Variants in NRG3 observed in about 807,000 individuals in gnomAD.
NRG3 encodes the protein pro-neuregulin-3, membrane-bound isoform.
In NRG3, 31 loss-of-function variants were observed where a neutral mutation model predicts 66.9. The observed-to-expected ratio is 0.46, with a 90% CI of 0.35 to 0.63. NRG3 has a LOEUF of 0.63. Ranked by LOEUF, NRG3 falls within the 20% of genes least tolerant of loss-of-function variation. The pLI, the probability that NRG3 is intolerant of heterozygous loss-of-function variation, is 0.00. For synonymous variants in NRG3, 393 were observed against 359.4 expected, an observed-to-expected ratio of 1.09 and a Z score of -1.06; for missense variants, 910 against 878.9, an observed-to-expected ratio of 1.04 and a Z score of -0.45.
At chr10:82,333,877 T>G (rs1016901166) in intron 1 of NRG3, among the ~76,000 whole-genome samples, 4 of 151,742 alleles carry the variant, frequency 2.6e-5, no homozygotes, top group African/African-American at 9.7e-5. Flanking sequence ...TTGAAGACAG[T>G]GGGAGAAGGA....
intron 3 of NRG3, among the ~76,000 whole-genome samples, chr10:82,846,814 T>G (rs937706790): frequency 6.6e-6 from 1 of 152,234 alleles, no homozygotes; most frequent in Non-Finnish European, 1.5e-5. Context: ...AGTTTGGTTT[T>G]GGAGTTGTGG....
At position 82,810,688 on chromosome 10, in the gene NRG3, G is replaced by A. The variant is rs549545295; in HGVS notation, c.1028-54723G>A. 4.0e-5 allele frequency among the ~76,000 whole-genome samples: 6 copies of A among 150,552 alleles called. No homozygotes were observed. In the South Asian group the frequency reaches 8.5e-4, roughly 21 times the overall value. Reference sequence around the variant, plus strand: ...GGAGGCAGGAGAATCACTTGAACCCGGGAGACGGAAGTTGTGGTGAGCCAA... The same window carrying A: ...GGAGGCAGGAGAATCACTTGAACCCAGGAGACGGAAGTTGTGGTGAGCCAA... On this transcript the variant is annotated intron_variant, in intron 3 of 8. Transcript: ENST00000372141.
At chr10:82,893,513 C>A (rs1187631801) in intron 4 of NRG3, among the ~76,000 whole-genome samples, 1 of 152,228 alleles carries the variant, frequency 6.6e-6, no homozygotes, top group East Asian at 1.9e-4. Flanking sequence ...CATGGTGAAA[C>A]CCCGTCTCTA....
chr10:82,744,657 T>C (rs779857131), intron 3 of NRG3, among the ~76,000 whole-genome samples: 2 of 152,184 alleles, frequency 1.3e-5, no homozygotes, highest in African/African-American at 2.4e-5. Flanking sequence ...AATTACAGAC[T>C]ACAAAGGACG....
intron 2 of NRG3, among the ~76,000 whole-genome samples, chr10:82,553,847 G>A (rs1431355948): frequency 6.6e-6 from 1 of 152,110 alleles, no homozygotes; most frequent in Admixed American, 6.5e-5. Context: ...TTAAGTACAT[G>A]TATACTTGCC....
intron 2 of NRG3, among the ~76,000 whole-genome samples, chr10:82,393,286 T>A (rs2086505950): frequency 6.6e-6 from 1 of 152,042 alleles, no homozygotes. Context: ...TATGCTGAGA[T>A]TAGGATACTG....
chr10:82,639,841 G>T (rs900040975), intron 2 of NRG3, among the ~76,000 whole-genome samples: 9 of 151,900 alleles, frequency 5.9e-5, no homozygotes, highest in Non-Finnish European at 1.0e-4. Flanking sequence ...TGTGTCATGG[G>T]GTTTGTTTTA....
intron 8 of NRG3, among the ~76,000 whole-genome samples, chr10:82,981,521 C>G (rs767731220): frequency 3.9e-5 from 6 of 152,128 alleles, no homozygotes; most frequent in African/African-American, 1.4e-4. Flanking sequence ...TAAATCTGGC[C>G]CCAGCCTGGA....
chr10:82,360,863 C>T (rs111226357), intron 2 of NRG3, among the ~76,000 whole-genome samples: 18,907 of 151,822 alleles, frequency 0.12, 2,161 homozygotes, highest in African/African-American at 0.29. Context: ...AGGCCTCCCT[C>T]CTTGACTTAT....
chr10:82,473,978 A>T (rs1416292782), intron 2 of NRG3, among the ~76,000 whole-genome samples: 1 of 152,150 alleles, frequency 6.6e-6, no homozygotes, highest in Non-Finnish European at 1.5e-5. Flanking sequence ...TAAGACATTT[A>T]AAAACTATCA....
intron 2 of NRG3, among the ~76,000 whole-genome samples, chr10:82,580,183 A>G (rs1003400729): frequency 2.0e-5 from 3 of 152,014 alleles, no homozygotes; most frequent in Non-Finnish European, 4.4e-5. Context: ...CCACTTATAT[A>G]AAATCTGTAG....
intron 2 of NRG3, among the ~76,000 whole-genome samples, chr10:82,362,107 A>AAAAAAAAAAAAAAAT (rs2084183105): frequency 7.4e-6 from 1 of 135,540 alleles, no homozygotes; most frequent in Admixed American, 7.5e-5. Flanking sequence ...AAAAAAAAAA[A>AAAAAAAAAAAAAAAT]AAGGACAATA....
chr10:82,185,247 T>G (rs1044769206), intron 1 of NRG3, among the ~76,000 whole-genome samples: 1 of 152,272 alleles, frequency 6.6e-6, no homozygotes, highest in Admixed American at 6.5e-5. Flanking sequence ...TTACTACATG[T>G]ATGTGCTAGG....
At chr10:82,167,195 A>G (rs2072150608) in intron 1 of NRG3, among the ~76,000 whole-genome samples, 2 of 151,676 alleles carry the variant, frequency 1.3e-5, no homozygotes, top group South Asian at 4.2e-4. Flanking sequence ...GTAATTTTTT[A>G]TTCAATGTCA....
At chr10:82,437,390 T>A (rs1159267234) in intron 2 of NRG3, among the ~76,000 whole-genome samples, 1 of 151,934 alleles carries the variant, frequency 6.6e-6, no homozygotes, top group Admixed American at 6.6e-5. Flanking sequence ...CTTCATCAGG[T>A]CATTTATGTT....
At chr10:82,565,071 G>A (rs1219723870) in intron 2 of NRG3, among the ~76,000 whole-genome samples, 2 of 152,110 alleles carry the variant, frequency 1.3e-5, no homozygotes, top group Non-Finnish European at 2.9e-5. Flanking sequence ...AGGATACGAA[G>A]TGGAAGGGCA....
At chr10:82,583,084 T>A (rs535963589) in intron 2 of NRG3, among the ~76,000 whole-genome samples, 1 of 152,168 alleles carries the variant, frequency 6.6e-6, no homozygotes, top group South Asian at 2.1e-4. Flanking sequence ...AATGTTTCAA[T>A]GGTTTTAATG....
chr10:82,477,023 T>C (rs544422801), intron 2 of NRG3, among the ~76,000 whole-genome samples: 15 of 152,302 alleles, frequency 9.8e-5, no homozygotes, highest in African/African-American at 3.6e-4. Flanking sequence ...GCACTACTTC[T>C]GGGCCAGGGT....
intron 2 of NRG3, among the ~76,000 whole-genome samples, chr10:82,572,511 A>G (rs1335102128): frequency 1.3e-5 from 2 of 151,814 alleles, no homozygotes; most frequent in African/African-American, 4.8e-5. Context: ...AGTCAGAAAT[A>G]AACAACTTAA....
Sources: gnomAD v4.1 joint callset for allele counts (sites outside exome capture counted in the v4.1 genomes callset) on GRCh38, gnomAD v4.1.1 for gene constraint, MANE v1.5 for transcripts, NCBI Gene and HGNC (gene_info 2026-07-23, HGNC 2026-07-21) for gene names.